The following REEP3 variants were observed in gnomAD, a reference collection of about 807,000 sequenced individuals.
The protein encoded by REEP3 is receptor accessory protein 3, also known as receptor expression-enhancing protein 3.
Under a neutral mutation model 41.3 loss-of-function variants are expected in REEP3, and 20 were observed. That is an observed-to-expected ratio of 0.48 (90% CI 0.34 to 0.70). The LOEUF (loss-of-function observed/expected upper bound fraction) is 0.70, where lower values mean the gene tolerates loss of function less well. Ranked by LOEUF, REEP3 falls within the 30% of genes least tolerant of loss-of-function variation. REEP3 has a pLI of 0.01. For missense variants in REEP3, 271 were observed against 308.8 expected (o/e 0.88, Z 0.92); for synonymous variants, 104 against 101.8 (o/e 1.02, Z -0.13).
chr10:63,598,078 C>T lies in REEP3; in HGVS notation c.237C>T (p.Pro79=), dbSNP rs1956133318. 1.2e-6 allele frequency: 2 copies of T among 1,603,956 alleles called. No individual in the cohort carries two copies. The highest frequency in any genetic ancestry group is 1.3e-5 in the African/African-American group (1 of 74,666). Residue 79 remains proline, a synonymous_variant, in exon 4 of 8, where the codon CCC becomes CCT. Transcript: ENST00000373758. Reference sequence around the variant, plus strand: ...CTTTTGTCATATGGCTGCTTTCTCCCTATACCAAAGGAGCAAGTTTAATAT... The same window carrying T: ...CTTTTGTCATATGGCTGCTTTCTCCTTATACCAAAGGAGCAAGTTTAATAT... ...KIAFVIWLLS[P]YTKGASLIYR... is the part of the protein sequence containing the mutation.
intron 1 of REEP3, among the ~76,000 whole-genome samples, chr10:63,552,158 A>G (rs1283933987): frequency 1.3e-5 from 2 of 152,122 alleles, no homozygotes; most frequent in African/African-American, 4.8e-5. Flanking sequence ...TAATCCCAGC[A>G]CTTTGGGAGG....
At chr10:63,582,866 C>T (rs1158477529) in intron 2 of REEP3, among the ~76,000 whole-genome samples, 1 of 152,188 alleles carries the variant, frequency 6.6e-6, no homozygotes, top group Non-Finnish European at 1.5e-5. Context: ...CCACTATCTC[C>T]CACTCACCTA....
At chr10:63,547,863 G>T (rs774204991) in intron 1 of REEP3, among the ~76,000 whole-genome samples, 3 of 152,138 alleles carry the variant, frequency 2.0e-5, no homozygotes, top group Non-Finnish European at 4.4e-5. Context: ...GGAGAATGAG[G>T]TCAGAAAAAT....
intron 1 of REEP3, among the ~76,000 whole-genome samples, chr10:63,529,946 T>C (rs549997550): frequency 1.8e-4 from 28 of 151,968 alleles, no homozygotes; most frequent in African/African-American, 6.5e-4. Context: ...GCCCTGCTAA[T>C]TTCTGTATTT....
intron 6 of REEP3, among the ~76,000 whole-genome samples, chr10:63,611,529 C>T (rs868256886): frequency 2.0e-5 from 3 of 152,190 alleles, no homozygotes; most frequent in South Asian, 2.1e-4. Flanking sequence ...AAATTAGACA[C>T]GGTTCCTTAG....
Position 63,624,226 on chromosome 10 carries a change from C to G in REEP3, c.*3357C>G, listed in dbSNP as rs1956378786. On this transcript the variant is annotated 3_prime_UTR_variant, in exon 8 of 8. Coordinates refer to ENST00000373758, the MANE Select transcript of REEP3 (RefSeq NM_001001330.3). The stretch of plus-strand genomic sequence containing the variant: ...GCAATTAGGCAAATTTTGAGAAGAT[C>G]ATTGTTATTGTGGTTTGCAGTATAT... 4 of 151,988 alleles carry G rather than the reference C, an allele frequency of 2.6e-5. No homozygotes were observed. The highest frequency in any genetic ancestry group is 2.6e-4 in the Admixed American group (4 of 15,262). The allele number at this position is 151,988 out of a possible 1,614,324, so 9.4% of individuals were successfully genotyped here.
intron 5 of REEP3, among the ~76,000 whole-genome samples, chr10:63,608,610 C>A (rs932928317): frequency 2.0e-5 from 3 of 152,262 alleles, no homozygotes; most frequent in African/African-American, 7.2e-5. Flanking sequence ...GTATAAAAAA[C>A]CCCTTAGAAG....
chr10:63,601,949 A>C (rs1404539666), intron 5 of REEP3, among the ~76,000 whole-genome samples: 1 of 150,792 alleles, frequency 6.6e-6, no homozygotes, highest in African/African-American at 2.4e-5. Context: ...AAATAAATAA[A>C]TAAATAATAA....
At chr10:63,538,508 C>T (rs552903542) in intron 1 of REEP3, among the ~76,000 whole-genome samples, 20 of 152,210 alleles carry the variant, frequency 1.3e-4, no homozygotes, top group African/African-American at 4.6e-4. Context: ...CCAAGGCGGG[C>T]GGATCACCTG....
At chr10:63,558,896 C>G (rs573063978) in intron 1 of REEP3, among the ~76,000 whole-genome samples, 3 of 152,150 alleles carry the variant, frequency 2.0e-5, no homozygotes, top group African/African-American at 7.2e-5. Context: ...TTTTGATCCT[C>G]TAGTTTATTT....
intron 6 of REEP3, among the ~76,000 whole-genome samples, chr10:63,611,072 A>G (rs932294924): frequency 6.6e-6 from 1 of 152,126 alleles, no homozygotes; most frequent in Non-Finnish European, 1.5e-5. Context: ...ACTTTATCTC[A>G]GGAAAAAAAA....
At chr10:63,603,103 G>A (rs538891414) in intron 5 of REEP3, among the ~76,000 whole-genome samples, 1 of 151,460 alleles carries the variant, frequency 6.6e-6, no homozygotes, top group Non-Finnish European at 1.5e-5. Flanking sequence ...CACAAGGTCA[G>A]GAGATTGAGA....
chr10:63,559,263 T>G (rs1955719516), intron 1 of REEP3, among the ~76,000 whole-genome samples: 1 of 152,194 alleles, frequency 6.6e-6, no homozygotes, highest in Non-Finnish European at 1.5e-5. Context: ...AACTATGATA[T>G]TTATGGATTT....
At chr10:63,562,290 T>C (rs1330677321) in intron 1 of REEP3, among the ~76,000 whole-genome samples, 1 of 150,112 alleles carries the variant, frequency 6.7e-6, no homozygotes, top group African/African-American at 2.4e-5. Context: ...GGAGTCTTAC[T>C]CTGTCGCCCA....
At chr10:63,567,520 A>T (rs1227695642) in intron 2 of REEP3, among the ~76,000 whole-genome samples, 1 of 152,156 alleles carries the variant, frequency 6.6e-6, no homozygotes, top group East Asian at 1.9e-4. Flanking sequence ...TGAATGTGTT[A>T]CATTCCTTTT....
At chr10:63,576,289 G>A (rs1429061771) in intron 2 of REEP3, among the ~76,000 whole-genome samples, 1 of 152,160 alleles carries the variant, frequency 6.6e-6, no homozygotes, top group Admixed American at 6.5e-5. Context: ...ACCACAAGCA[G>A]TGTGGATTAA....
intron 2 of REEP3, among the ~76,000 whole-genome samples, chr10:63,587,452 C>T (rs1032485914): frequency 6.6e-5 from 10 of 152,198 alleles, no homozygotes; most frequent in African/African-American, 2.4e-4. Context: ...TGTGGCCTTG[C>T]TCTCTCATTA....
At chr10:63,527,608 G>A (rs1362502057) in intron 1 of REEP3, among the ~76,000 whole-genome samples, 2 of 152,036 alleles carry the variant, frequency 1.3e-5, no homozygotes, top group African/African-American at 2.4e-5. Context: ...TTGAGCCTGG[G>A]ATGTTGAGGC....
intron 1 of REEP3, among the ~76,000 whole-genome samples, chr10:63,530,152 T>C (rs1955406808): frequency 7.7e-6 from 1 of 129,808 alleles, no homozygotes; most frequent in Non-Finnish European, 1.6e-5. Context: ...ATATGTTTGT[T>C]AAGTTTATGA....
Sources: allele counts gnomAD v4.1 joint callset (sites outside exome capture counted in the v4.1 genomes callset), GRCh38; gene constraint gnomAD v4.1.1; transcripts MANE v1.5; gene names NCBI Gene and HGNC (gene_info 2026-07-23, HGNC 2026-07-21).